Variants in BTG4 observed in about 807,000 individuals in gnomAD.
BTG4 encodes protein BTG4.
BTG4 carries 10 observed loss-of-function variants against 19.3 expected under a neutral mutation model. The ratio of observed to expected loss-of-function variants is 0.52; its 90% CI spans 0.32 to 0.88. BTG4 has a LOEUF of 0.88. Among genes scored for constraint, BTG4 ranks in the 40% least tolerant of loss-of-function variants. The pLI is 0.04. For synonymous variants in BTG4, 91 were observed against 95.7 expected (o/e 0.95, Z 0.29); for missense variants, 238 against 281.9 (o/e 0.84, Z 1.11).
chr11:111,513,161 A>G, upstream of BTG4: 2 of 379,016 alleles, frequency 5.3e-6, no homozygotes, highest in South Asian at 4.1e-5. Flanking sequence ...GTGCGAGGAA[A>G]CCCGCGGTTT....
chr11:111,497,801 C>A (rs1434516026), intron 3 of BTG4, among the ~76,000 whole-genome samples, 197 bp downstream of exon 3: 1 of 152,186 alleles, frequency 6.6e-6, no homozygotes, highest in East Asian at 1.9e-4. Flanking sequence ...TTTGCAAAAT[C>A]ATTGTGCTTT....
At chr11:111,445,255 C>T in the BTG4 span, among the ~76,000 whole-genome samples, 16 of 152,308 alleles carry the variant, frequency 1.1e-4, no homozygotes, top group Non-Finnish European at 1.9e-4. Flanking sequence ...GGAATGAACA[C>T]GCTCCCTTCC....
chr11:111,392,605 T>C, the BTG4 span, among the ~76,000 whole-genome samples: 3 of 152,174 alleles, frequency 2.0e-5, no homozygotes, highest in Non-Finnish European at 4.4e-5. Context: ...AGGCTGCCGG[T>C]CCAGGGATCA....
the BTG4 span, among the ~76,000 whole-genome samples, chr11:111,407,960 G>C: frequency 1.3e-5 from 2 of 152,208 alleles, no homozygotes; most frequent in African/African-American, 4.8e-5. Context: ...TGGAGTGTCA[G>C]GGTTAGGATG....
At chr11:111,439,020 T>C in the BTG4 span, among the ~76,000 whole-genome samples, 1 of 152,212 alleles carries the variant, frequency 6.6e-6, no homozygotes, top group Non-Finnish European at 1.5e-5. Flanking sequence ...GGGTGTTACC[T>C]GACTAGCACG....
At chr11:111,437,348 G>T in the BTG4 span, among the ~76,000 whole-genome samples, 1 of 152,124 alleles carries the variant, frequency 6.6e-6, no homozygotes, top group African/African-American at 2.4e-5. Flanking sequence ...CAGCAAAAAT[G>T]ACCCTCAGTT....
In BTG4 at chr11:111,498,632, C is replaced by T. The variant is rs117589383; in HGVS notation, c.145G>A (p.Asp49Asn). ...AAGGCTTGCCCTTTAGAAGGGCAATCAGAGTGCCAGTGACTTCTGTATGTT... is the reference window on the plus strand; with the variant it reads ...AAGGCTTGCCCTTTAGAAGGGCAATTAGAGTGCCAGTGACTTCTGTATGTT... ...FETYRSHWHSDCPSKGQAFRC... is the reference protein window; with the variant it reads ...FETYRSHWHSNCPSKGQAFRC... The change falls in exon 2 of 5, where the codon GAT becomes AAT. Residue 49 changes from aspartate to asparagine, a missense_variant. By Grantham distance (23) the Asp-to-Asn change is conservative. Coordinates refer to ENST00000692032, the MANE Select transcript of BTG4 (RefSeq NM_001367975.1). 671 of 1,613,518 alleles carry T rather than the reference C, an allele frequency of 4.2e-4. 1 individual carries two copies. The highest frequency in any genetic ancestry group is 5.3e-4 in the Non-Finnish European group (627 of 1,179,904).
At chr11:111,423,646 A>G in the BTG4 span, among the ~76,000 whole-genome samples, 1 of 152,254 alleles carries the variant, frequency 6.6e-6, no homozygotes, top group East Asian at 1.9e-4. Context: ...ATCAATGACA[A>G]TAAATAATAA....
In BTG4 at chr11:111,498,722, GT is replaced by G. The variant is rs1296237352; in HGVS notation, c.54del (p.Lys18AsnfsTer5). The G allele has an allele frequency of 1.2e-6, 2 of 1,612,940 alleles. No homozygotes were observed. Among genetic ancestry groups the G allele is most frequent in the Non-Finnish European group, 1.7e-6 (2 of 1,179,512 alleles). ...ATTTGCTGTTTACTTAGTTTATCAT[GT>G]TTTTTCACCAATCTTGTGACAAAGA... The part of the protein sequence containing the change: ...TVFFVTRLVK[K>X]HDKLSKQQIE... On this transcript the variant is annotated frameshift_variant, in exon 2 of 5. Transcript: ENST00000692032. LOFTEE classifies it high-confidence loss of function.
the BTG4 span, among the ~76,000 whole-genome samples, chr11:111,390,740 T>A: frequency 6.6e-6 from 1 of 152,188 alleles, no homozygotes. Context: ...ACTCTGAGCA[T>A]CTTGACTCTC....
upstream of BTG4, chr11:111,513,163 C>G (rs1867074086): frequency 1.3e-5 from 5 of 379,370 alleles, no homozygotes; most frequent in South Asian, 1.0e-4. Context: ...GCGAGGAAAC[C>G]CGCGGTTTCT....
chr11:111,503,196 G>A (rs759872664), intron 1 of BTG4, among the ~76,000 whole-genome samples: 11 of 152,182 alleles, frequency 7.2e-5, no homozygotes, highest in South Asian at 2.1e-4. Context: ...TTTACCCCAA[G>A]TTTCAAACAC....
intron 5 of BTG4, among the ~76,000 whole-genome samples, chr11:111,476,582 T>A (rs1489127092): frequency 6.6e-6 from 1 of 152,156 alleles, no homozygotes; most frequent in East Asian, 1.9e-4. Flanking sequence ...TACTTAGTCA[T>A]CTTAATTCAG....
At chr11:111,410,149 T>C in the BTG4 span, among the ~76,000 whole-genome samples, 2 of 152,046 alleles carry the variant, frequency 1.3e-5, no homozygotes, top group Non-Finnish European at 2.9e-5. Flanking sequence ...AACTTCCTCA[T>C]TTGTAAAATG....
chr11:111,387,244 C>T, the BTG4 span, among the ~76,000 whole-genome samples: 3 of 152,206 alleles, frequency 2.0e-5, no homozygotes, highest in Non-Finnish European at 2.9e-5. Flanking sequence ...CCCTGCTACC[C>T]TTATCTGAAG....
At chr11:111,428,546 G>A in the BTG4 span, among the ~76,000 whole-genome samples, 1,790 of 152,254 alleles carry the variant, frequency 0.012, 27 homozygotes, top group African/African-American at 0.039. Context: ...GACTGACAGC[G>A]GACCTGGGGA....
chr11:111,511,061 G>C (rs1866864673), intron 1 of BTG4, among the ~76,000 whole-genome samples: 1 of 152,224 alleles, frequency 6.6e-6, no homozygotes, highest in Non-Finnish European at 1.5e-5. Flanking sequence ...CTAGTTTCAT[G>C]TATGTATATT....
chr11:111,402,271 C>T, the BTG4 span, among the ~76,000 whole-genome samples: 1 of 152,160 alleles, frequency 6.6e-6, no homozygotes, highest in Non-Finnish European at 1.5e-5. Flanking sequence ...CCATGTGGAA[C>T]TGTGAGTCAA....
chr11:111,424,041 A>G, the BTG4 span, among the ~76,000 whole-genome samples: 1 of 152,168 alleles, frequency 6.6e-6, no homozygotes, highest in Non-Finnish European at 1.5e-5. Flanking sequence ...TGGAGGAGCA[A>G]AATAGGTGAA....
Sources: gnomAD v4.1 joint callset for allele counts (sites outside exome capture counted in the v4.1 genomes callset) on GRCh38, gnomAD v4.1.1 for gene constraint, MANE v1.5 for transcripts, NCBI Gene and HGNC (gene_info 2026-07-23, HGNC 2026-07-21) for gene names.